Variants in PTER observed in about 807,000 individuals in gnomAD.
PTER encodes the protein phosphotriesterase related, also known as N-acetyltaurine hydrolase.
In PTER, 38 loss-of-function variants were observed where a neutral mutation model predicts 29.6. That is an observed-to-expected ratio of 1.28 (90% CI 0.99 to 1.68). PTER has a LOEUF of 1.68. Ranked by LOEUF, PTER falls within the 40% of genes most tolerant of loss-of-function variation. PTER has a pLI of 0.00. For missense variants in PTER, 482 were observed against 427.8 expected, an observed-to-expected ratio of 1.13 and a Z score of -1.12; for synonymous variants, 172 against 154.5, an observed-to-expected ratio of 1.11 and a Z score of -0.84.
At chr10:16,451,851 C>T (rs371234917) in intron 1 of PTER, among the ~76,000 whole-genome samples, 94 of 152,242 alleles carry the variant, frequency 6.2e-4, no homozygotes, top group African/African-American at 2.0e-3. Context: ...AAAATGAATT[C>T]GTTACAAGAC....
At chr10:16,452,301 G>GTT (rs5783503) in intron 1 of PTER, among the ~76,000 whole-genome samples, 12 of 137,774 alleles carry the variant, frequency 8.7e-5, no homozygotes, top group Admixed American at 2.2e-4. Context: ...GACTTTTTTT[G>GTT]TTTTTTTTTT....
At chr10:16,472,220 G>T (rs1835079230) in intron 1 of PTER, among the ~76,000 whole-genome samples, 1 of 152,108 alleles carries the variant, frequency 6.6e-6, no homozygotes, top group Non-Finnish European at 1.5e-5. Context: ...TTCTCGTATT[G>T]CTAGTATAAG....
chr10:16,488,605 A>ATG (rs1477914367), intron 3 of PTER, among the ~76,000 whole-genome samples: 312 of 138,650 alleles, frequency 2.3e-3, no homozygotes, highest in African/African-American at 7.7e-3. Flanking sequence ...ATATATATGG[A>ATG]GAGAGAGAGA....
At chr10:16,508,775 G>A (rs7073167) in intron 4 of PTER, among the ~76,000 whole-genome samples, 1,861 of 152,100 alleles carry the variant, frequency 0.012, 33 homozygotes, top group African/African-American at 0.042. Context: ...ATGCATTCTC[G>A]CTTGACCCAA....
intron 3 of PTER, among the ~76,000 whole-genome samples, chr10:16,496,115 C>G (rs1836086932): frequency 6.6e-6 from 1 of 152,186 alleles, no homozygotes; most frequent in South Asian, 2.1e-4. Context: ...CAGATACAAG[C>G]TCTCCTGTCC....
At chr10:16,456,895 A>G (rs1834423065) in intron 1 of PTER, among the ~76,000 whole-genome samples, 1 of 149,344 alleles carries the variant, frequency 6.7e-6, no homozygotes, top group Non-Finnish European at 1.5e-5. Flanking sequence ...TTCTCGTGGT[A>G]GTGAATAAGT....
chr10:16,501,371 GCACACACACACACACA>G (rs377037547), intron 3 of PTER, among the ~76,000 whole-genome samples: 1 of 36,208 alleles, frequency 2.8e-5, no homozygotes. Context: ...ACACACACAT[GCACACACACACACACA>G]CACCCCATAG....
chr10:16,469,813 A>G (rs1169203374), intron 1 of PTER, among the ~76,000 whole-genome samples: 1 of 152,060 alleles, frequency 6.6e-6, no homozygotes, highest in Admixed American at 6.6e-5. Context: ...CCTGGGCTCA[A>G]GCAGTCCTCC....
chr10:16,517,753 A>G (rs899842140), downstream of PTER, among the ~76,000 whole-genome samples: 1 of 152,170 alleles, frequency 6.6e-6, no homozygotes, highest in African/African-American at 2.4e-5. Flanking sequence ...ATTAGTGAGG[A>G]TCTATCATTA....
intron 1 of PTER, chr10:16,437,491 G>A (rs1368933204): frequency 6.6e-6 from 1 of 152,084 alleles, no homozygotes; most frequent in African/African-American, 2.4e-5. Context: ...GCGACTACAG[G>A]CACGTGCCAC....
chr10:16,467,489 G>C (rs981010133), intron 1 of PTER, among the ~76,000 whole-genome samples: 1 of 152,152 alleles, frequency 6.6e-6, no homozygotes, highest in Non-Finnish European at 1.5e-5. Flanking sequence ...GTATTCCTAT[G>C]TAGTTGGGTA....
At chr10:16,452,381 G>T (rs1834246117) in intron 1 of PTER, among the ~76,000 whole-genome samples, 1 of 148,544 alleles carries the variant, frequency 6.7e-6, no homozygotes, top group Non-Finnish European at 1.5e-5. Context: ...ATTGCAACCT[G>T]CATCTCTCAG....
chr10:16,498,972 G>C (rs940253304), intron 3 of PTER, among the ~76,000 whole-genome samples: 1 of 152,216 alleles, frequency 6.6e-6, no homozygotes, highest in Non-Finnish European at 1.5e-5. Context: ...TGTCTCCGTA[G>C]TGTGAGTGCC....
intron 1 of PTER, among the ~76,000 whole-genome samples, chr10:16,465,440 C>T (rs1038741521): frequency 2.0e-5 from 3 of 152,168 alleles, no homozygotes; most frequent in African/African-American, 7.2e-5. Context: ...AATTCCCTTC[C>T]TATGCCCTGA....
intron 1 of PTER, among the ~76,000 whole-genome samples, chr10:16,442,778 G>C (rs954663294): frequency 6.6e-6 from 1 of 152,096 alleles, no homozygotes; most frequent in African/African-American, 2.4e-5. Context: ...TCAAGAGTTC[G>C]ATACCAGCCT....
chr10:16,507,649 C>T (rs1836628206), intron 4 of PTER, among the ~76,000 whole-genome samples: 1 of 152,190 alleles, frequency 6.6e-6, no homozygotes, highest in Non-Finnish European at 1.5e-5. Flanking sequence ...ATTAATAGTA[C>T]TATGCTTCAA....
chr10:16,484,124 G>A (rs1354773962), intron 1 of PTER, among the ~76,000 whole-genome samples: 1 of 152,134 alleles, frequency 6.6e-6, no homozygotes, highest in Non-Finnish European at 1.5e-5. Context: ...CCCAGTAGAA[G>A]GGGTGGGAGG....
At chr10:16,510,200 C>A (rs1836758640) in intron 4 of PTER, among the ~76,000 whole-genome samples, 1 of 152,300 alleles carries the variant, frequency 6.6e-6, no homozygotes, top group South Asian at 2.1e-4. Context: ...GCCCAGAGTC[C>A]AGACACGTAC....
chr10:16,500,651 G>T (rs7917489), intron 3 of PTER, among the ~76,000 whole-genome samples: 82,251 of 152,126 alleles, frequency 0.54, 22,897 homozygotes, highest in East Asian at 0.83. Context: ...ATTCTTCAGT[G>T]AACGTTTATA....
Sources: allele counts gnomAD v4.1 joint callset (sites outside exome capture counted in the v4.1 genomes callset), GRCh38; gene constraint gnomAD v4.1.1; transcripts MANE v1.5; gene names NCBI Gene and HGNC (gene_info 2026-07-23, HGNC 2026-07-21).